The following SUCLG2 variants were observed in gnomAD, a reference collection of about 807,000 sequenced individuals.
SUCLG2 encodes succinate-CoA ligase GDP-forming subunit beta, also known as succinate--CoA ligase [GDP-forming] subunit beta, mitochondrial.
Under a neutral mutation model 47.9 loss-of-function variants are expected in SUCLG2, and 42 were observed. The ratio of observed to expected loss-of-function variants is 0.88; its 90% CI spans 0.69 to 1.14. The LOEUF (loss-of-function observed/expected upper bound fraction) is 1.14. SUCLG2 is among the 50% of genes most tolerant of loss of function. The pLI, the probability that SUCLG2 is intolerant of heterozygous loss-of-function variation, is 0.00. For missense variants in SUCLG2, 571 were observed against 525.9 expected (o/e 1.09, Z -0.84); for synonymous variants, 195 against 197.3 (o/e 0.99, Z 0.10).
chr3:67,459,157 T>C (rs1215143654), intron 9 of SUCLG2, among the ~76,000 whole-genome samples: 2 of 152,260 alleles, frequency 1.3e-5, no homozygotes, highest in Non-Finnish European at 2.9e-5. Context: ...TGTTTTAATA[T>C]GAATTCGTTA....
intron 2 of SUCLG2, among the ~76,000 whole-genome samples, chr3:67,590,685 C>T (rs752304082): frequency 1.3e-5 from 2 of 152,210 alleles, no homozygotes; most frequent in Non-Finnish European, 2.9e-5. Context: ...TCTTGTACAG[C>T]CTGCAGAACC....
rs148023428 is a variant in SUCLG2, at chr3:67,436,451, G to C, written c.1063-35600C>G. On this transcript the variant is annotated intron_variant, in intron 9 of 10. Transcript: ENST00000307227. ...GGGTAAACCAACATCAAGAAGGCCA[G>C]AGGGCAAATCTTCATTGAATGGCAT... Among the ~76,000 whole-genome samples the C allele has an allele frequency of 4.1e-3, 618 of 152,266 alleles. 5 individuals carry two copies. Among genetic ancestry groups the C allele is most frequent in the African/African-American group, 0.014 (597 of 41,562 alleles).
At chr3:67,508,997 TC>T (rs1705715462) in intron 6 of SUCLG2, 94 bp from the exon 7 acceptor site, 3 of 870,214 alleles carry the variant, frequency 3.4e-6, no homozygotes, top group South Asian at 3.6e-5. Flanking sequence ...GCAAGTTATG[TC>T]TTTATTTTCA....
At chr3:67,582,690 A>T (rs192245850) in intron 2 of SUCLG2, among the ~76,000 whole-genome samples, 1 of 152,150 alleles carries the variant, frequency 6.6e-6, no homozygotes. Flanking sequence ...AGAAATCGCC[A>T]AACTGTTTTC....
chr3:67,551,163 T>C (rs1707004135), intron 2 of SUCLG2, among the ~76,000 whole-genome samples: 1 of 152,184 alleles, frequency 6.6e-6, no homozygotes, highest in Non-Finnish European at 1.5e-5. Flanking sequence ...GATGAGATGG[T>C]TGATGAGACA....
In SUCLG2 at chr3:67,499,161, C is replaced by A. The variant is rs538604451; in HGVS notation, c.758-866G>T. Among the ~76,000 whole-genome samples, 335 of 150,108 alleles carry A rather than the reference C, an allele frequency of 2.2e-3. 1 individual carries two copies. Among genetic ancestry groups the A allele is most frequent in the Non-Finnish European group, 3.8e-3 (255 of 67,414 alleles). On this transcript the variant is annotated intron_variant, in intron 7 of 10. Coordinates refer to ENST00000307227, the MANE Select transcript of SUCLG2 (RefSeq NM_003848.4). ...ATTAAACACAGTGAAATGATTACTACACTGAAGCAAATTAACACATCCATC... is the reference window on the plus strand; with the variant it reads ...ATTAAACACAGTGAAATGATTACTAAACTGAAGCAAATTAACACATCCATC...
chr3:67,598,926 G>A (rs1559589852), intron 2 of SUCLG2, among the ~76,000 whole-genome samples: 1 of 152,150 alleles, frequency 6.6e-6, no homozygotes, highest in South Asian at 2.1e-4. Context: ...CTCTTCCAGA[G>A]CCCACCTTCT....
chr3:67,493,344 T>C (rs757784524), intron 9 of SUCLG2, among the ~76,000 whole-genome samples: 1 of 152,214 alleles, frequency 6.6e-6, no homozygotes, highest in Non-Finnish European at 1.5e-5. Flanking sequence ...ATTTTCCTGA[T>C]ATAGCATGAG....
At chr3:67,481,927 C>A (rs1575726090) in intron 9 of SUCLG2, among the ~76,000 whole-genome samples, 1 of 152,174 alleles carries the variant, frequency 6.6e-6, no homozygotes, top group South Asian at 2.1e-4. Context: ...GCCTGTAATC[C>A]CAGCACTTTG....
At chr3:67,494,240 T>A (rs1280569928) in intron 9 of SUCLG2, among the ~76,000 whole-genome samples, 1 of 152,252 alleles carries the variant, frequency 6.6e-6, no homozygotes, top group Non-Finnish European at 1.5e-5. Context: ...TTTTCATTTA[T>A]CATTCTCTTA....
chr3:67,460,851 A>C (rs1210686337), intron 9 of SUCLG2, among the ~76,000 whole-genome samples: 1 of 152,176 alleles, frequency 6.6e-6, no homozygotes, highest in East Asian at 1.9e-4. Context: ...ATCATTCCCA[A>C]CACTACCAGT....
chr3:67,493,630 T>A (rs73088917), intron 9 of SUCLG2, among the ~76,000 whole-genome samples: 4,341 of 152,272 alleles, frequency 0.029, 91 homozygotes, highest in African/African-American at 0.06. Context: ...TCTCAGTGGC[T>A]CTCTATTATC....
intron 9 of SUCLG2, among the ~76,000 whole-genome samples, chr3:67,415,349 C>T (rs1030375621): frequency 6.6e-6 from 1 of 152,130 alleles, no homozygotes; most frequent in African/African-American, 2.4e-5. Flanking sequence ...CACATGACAG[C>T]AATCATGCTA....
At chr3:67,586,963 A>G (rs1436036598) in intron 2 of SUCLG2, among the ~76,000 whole-genome samples, 1 of 152,058 alleles carries the variant, frequency 6.6e-6, no homozygotes, top group Admixed American at 6.6e-5. Context: ...CATCATCATC[A>G]CTATCAGACA....
At chr3:67,579,034 C>A (rs940919206) in intron 2 of SUCLG2, among the ~76,000 whole-genome samples, 3 of 152,068 alleles carry the variant, frequency 2.0e-5, no homozygotes, top group Admixed American at 6.5e-5. Context: ...TTTCCAAAGG[C>A]TAAAATTTCT....
At chr3:67,415,844 C>T (rs1039934018) in intron 9 of SUCLG2, among the ~76,000 whole-genome samples, 14 of 152,184 alleles carry the variant, frequency 9.2e-5, no homozygotes, top group Admixed American at 6.5e-5. Context: ...GTGATTCATT[C>T]TAATGAGCAG....
intron 2 of SUCLG2, among the ~76,000 whole-genome samples, chr3:67,587,161 A>G (rs1708044984): frequency 6.6e-6 from 1 of 152,198 alleles, no homozygotes; most frequent in Non-Finnish European, 1.5e-5. Flanking sequence ...TGAGCTAAAA[A>G]TGATTACGTC....
intron 9 of SUCLG2, among the ~76,000 whole-genome samples, chr3:67,452,995 T>C (rs375728427): frequency 6.6e-6 from 1 of 152,298 alleles, no homozygotes; most frequent in African/African-American, 2.4e-5. Context: ...AGGTCTAAAG[T>C]AGACCTTCCC....
rs553988855 is a variant in SUCLG2, at chr3:67,633,213, TA to T, written c.84+21289del. Among the ~76,000 whole-genome samples the T allele has an allele frequency of 1.5e-3, 233 of 152,328 alleles. 4 individuals are homozygous for T. In the South Asian group the frequency reaches 0.041, roughly 27 times the overall value. ...TTAAGGTTATTCAAAAGGACATGAT[TA>T]TTTTTTTGGGCTGTTTTGCAGACTG... On this transcript the variant is annotated intron_variant, in intron 1 of 10. Coordinates refer to ENST00000307227, the MANE Select transcript of SUCLG2 (RefSeq NM_003848.4).
Sources: gnomAD v4.1 joint callset for allele counts (sites outside exome capture counted in the v4.1 genomes callset) on GRCh38, gnomAD v4.1.1 for gene constraint, MANE v1.5 for transcripts, NCBI Gene and HGNC (gene_info 2026-07-23, HGNC 2026-07-21) for gene names.